Variants in NCOA2 observed in about 807,000 individuals in gnomAD.
NCOA2 encodes the protein nuclear receptor coactivator 2, also known as class E basic helix-loop-helix protein 75.
In NCOA2, 21 loss-of-function variants were observed where a neutral mutation model predicts 145.1. That is an observed-to-expected ratio of 0.14 (90% CI 0.10 to 0.21). NCOA2 has a LOEUF of 0.21. NCOA2 is among the 10% of genes least tolerant of loss of function. The pLI is 1.00. For missense variants in NCOA2, 1,472 were observed against 1,837.6 expected (o/e 0.80, Z 3.64); for synonymous variants, 619 against 637.5 (o/e 0.97, Z 0.44).
intron 22 of NCOA2, among the ~76,000 whole-genome samples, chr8:70,119,270 C>T (rs1807499016): frequency 6.6e-6 from 1 of 152,198 alleles, no homozygotes; most frequent in Admixed American, 6.5e-5. Flanking sequence ...TCCATGTGAA[C>T]AAATTTTCTA....
chr8:70,241,971 T>C (rs1822172596), intron 2 of NCOA2, among the ~76,000 whole-genome samples: 1 of 152,140 alleles, frequency 6.6e-6, no homozygotes, highest in African/African-American at 2.4e-5. Context: ...AAATGGACAT[T>C]TTCACATTAA....
At chr8:70,400,015 T>C (rs2131791020) in intron 1 of NCOA2, among the ~76,000 whole-genome samples, 1 of 152,314 alleles carries the variant, frequency 6.6e-6, no homozygotes, top group East Asian at 1.9e-4. Flanking sequence ...TTTAATAAGA[T>C]ACAACTATAA....
chr8:70,249,790 C>G (rs1006826809), intron 2 of NCOA2, among the ~76,000 whole-genome samples: 1 of 151,322 alleles, frequency 6.6e-6, no homozygotes, highest in African/African-American at 2.4e-5. Flanking sequence ...TGGTGAAACT[C>G]TGCCTCAACT....
At chr8:70,281,590 C>A (rs932908157) in intron 2 of NCOA2, among the ~76,000 whole-genome samples, 1 of 152,128 alleles carries the variant, frequency 6.6e-6, no homozygotes, top group Non-Finnish European at 1.5e-5. Flanking sequence ...CATCACCCCC[C>A]ACCTCTTTGT....
At position 70,222,495 on chromosome 8, in the gene NCOA2, T is replaced by A. The variant is rs75897030; in HGVS notation, c.-19-5731A>T. ...TAAAAATTCCTTCCTCTCAGTATCG[T>A]CTGCTCTTAGATTACTTTTGTATAA... On this transcript the variant is annotated intron_variant, in intron 2 of 22. Transcript: ENST00000452400. Among the ~76,000 whole-genome samples the A allele has an allele frequency of 2.5e-3, 384 of 152,314 alleles. 2 individuals are homozygous for A. Among genetic ancestry groups the A allele is most frequent in the African/African-American group, 8.7e-3 (362 of 41,568 alleles).
intron 1 of NCOA2, among the ~76,000 whole-genome samples, chr8:70,322,653 T>C (rs928769264): frequency 6.6e-6 from 1 of 152,158 alleles, no homozygotes; most frequent in South Asian, 2.1e-4. Flanking sequence ...CTGGGCAAGT[T>C]AGTTAACCTC....
intron 10 of NCOA2, 138 bp from the exon 11 acceptor site, chr8:70,157,378 A>G: frequency 1.2e-6 from 1 of 804,812 alleles, no homozygotes; most frequent in South Asian, 2.3e-5. Context: ...ACTTTGTTGA[A>G]ATCATCTGCA....
At chr8:70,181,954 T>C (rs946868691) in intron 4 of NCOA2, among the ~76,000 whole-genome samples, 39 of 152,206 alleles carry the variant, frequency 2.6e-4, no homozygotes, top group Non-Finnish European at 1.3e-4. Context: ...AAAAGTTATG[T>C]AGCATCTCCA....
chr8:70,131,629 A>T (rs1809113325), intron 16 of NCOA2, among the ~76,000 whole-genome samples: 1 of 152,086 alleles, frequency 6.6e-6, no homozygotes, highest in Non-Finnish European at 1.5e-5. Flanking sequence ...TGCAATGCTC[A>T]TTTTCAGTGC....
chr8:70,136,028 A>C (rs1345527787), intron 15 of NCOA2, among the ~76,000 whole-genome samples: 2 of 152,226 alleles, frequency 1.3e-5, no homozygotes, highest in Admixed American at 6.5e-5. Context: ...AATAGTCAAC[A>C]AAAGAAACCT....
chr8:70,147,110 TCG>T (rs71758835), intron 12 of NCOA2, among the ~76,000 whole-genome samples: 17,194 of 149,024 alleles, frequency 0.12, 1,460 homozygotes, highest in African/African-American at 0.24. Flanking sequence ...TGCAAATCTT[TCG>T]CGCGCGCGCG....
intron 1 of NCOA2, among the ~76,000 whole-genome samples, chr8:70,298,195 A>G (rs187666064): frequency 6.6e-6 from 1 of 152,240 alleles, no homozygotes; most frequent in East Asian, 1.9e-4. Flanking sequence ...AGTAAATAGA[A>G]TCCAATAGCA....
At chr8:70,451,950 A>G in the NCOA2 span, among the ~76,000 whole-genome samples, 1 of 150,056 alleles carries the variant, frequency 6.7e-6, no homozygotes, top group Non-Finnish European at 1.5e-5. Flanking sequence ...TAAAATGGGC[A>G]TTTAAGGTGT....
At chr8:70,177,572 A>C (rs1441622972) in intron 4 of NCOA2, among the ~76,000 whole-genome samples, 2 of 152,168 alleles carry the variant, frequency 1.3e-5, no homozygotes, top group East Asian at 1.9e-4. Context: ...GGAAGATAGA[A>C]TAGGTGGACA....
intron 1 of NCOA2, among the ~76,000 whole-genome samples, chr8:70,345,410 T>C (rs1367088534): frequency 6.6e-6 from 1 of 152,238 alleles, no homozygotes; most frequent in East Asian, 1.9e-4. Context: ...TGACCCAATA[T>C]GTACTATCTT....
At chr8:70,320,496 G>T (rs7815765) in intron 1 of NCOA2, among the ~76,000 whole-genome samples, 55,858 of 151,980 alleles carry the variant, frequency 0.37, 12,424 homozygotes, top group East Asian at 0.7. Flanking sequence ...GAAAGATATG[G>T]TTTTATTAAG....
intron 2 of NCOA2, among the ~76,000 whole-genome samples, chr8:70,228,180 C>T (rs370714861): frequency 2.6e-5 from 4 of 152,226 alleles, no homozygotes; most frequent in African/African-American, 7.2e-5. Context: ...TTTTTTCTCC[C>T]TCAAATGATG....
rs1408623702 is a variant in NCOA2 at position 70,324,287 on chromosome 8, CA to C, written c.-76-27488del. The stretch of plus-strand genomic sequence containing the variant: ...ATTCTCTAGTTCCTCATGAACTCAT[CA>C]AGTACCAGGTGCCAGAGGATATAAA... On this transcript the variant is annotated intron_variant, in intron 1 of 22. Transcript: ENST00000452400. Among the ~76,000 whole-genome samples, 5 of 152,240 alleles carry C rather than the reference CA, an allele frequency of 3.3e-5. No individual in the cohort carries two copies. In the East Asian group the frequency reaches 9.6e-4, roughly 29 times the overall value.
intron 2 of NCOA2, among the ~76,000 whole-genome samples, chr8:70,275,342 C>T (rs987535959): frequency 6.6e-6 from 1 of 151,754 alleles, no homozygotes; most frequent in African/African-American, 2.4e-5. Flanking sequence ...GAAATAAGTA[C>T]TTATATATAG....
Sources: gnomAD v4.1 joint callset for allele counts (sites outside exome capture counted in the v4.1 genomes callset) on GRCh38, gnomAD v4.1.1 for gene constraint, MANE v1.5 for transcripts, NCBI Gene and HGNC (gene_info 2026-07-23, HGNC 2026-07-21) for gene names.